Variants in LRRTM4 observed in about 807,000 individuals in gnomAD.
LRRTM4 encodes leucine-rich repeat transmembrane neuronal protein 4.
Under a neutral mutation model 47.6 loss-of-function variants are expected in LRRTM4, and 25 were observed. The observed-to-expected ratio is 0.53, with a 90% CI of 0.38 to 0.73. The LOEUF (loss-of-function observed/expected upper bound fraction) is 0.73. Among genes scored for constraint, LRRTM4 ranks in the 30% least tolerant of loss-of-function variants. The probability of loss-of-function intolerance (pLI) is 0.00; values close to 1 mark genes in which losing one functional copy is unlikely to be tolerated. For synonymous variants in LRRTM4, 311 were observed against 269.5 expected (o/e 1.15, Z -1.51); for missense variants, 638 against 713.4 (o/e 0.89, Z 1.20).
At chr2:77,018,783 A>ATGAAGTTCTT (rs1178877073) in intron 3 of LRRTM4, among the ~76,000 whole-genome samples, 1 of 152,210 alleles carries the variant, frequency 6.6e-6, no homozygotes, top group African/African-American at 2.4e-5. Context: ...AAGTTCTTTG[A>ATGAAGTTCTT]TGAAGTGTAA....
chr2:76,910,067 T>C lies in LRRTM4; in HGVS notation c.1552-161151A>G, dbSNP rs1031684056. Among the ~76,000 whole-genome samples, 3 of 152,184 alleles carry C rather than the reference T, an allele frequency of 2.0e-5. No homozygotes were observed. The East Asian group carries it at 5.8e-4, about 29-fold the overall frequency. On this transcript the variant is annotated intron_variant, in intron 3 of 3. Coordinates refer to ENST00000409884, the MANE Select transcript of LRRTM4 (RefSeq NM_001134745.3). ...AACACGTATGTTTATTGTGGCACTA[T>C]TCACAATAGCAAAGACTTGGAACCA...
At chr2:76,761,309 A>G (rs569674243) in intron 3 of LRRTM4, among the ~76,000 whole-genome samples, 4 of 152,264 alleles carry the variant, frequency 2.6e-5, no homozygotes, top group Admixed American at 2.6e-4. Flanking sequence ...ATTACCACTA[A>G]TTATTCTGTA....
chr2:76,932,273 C>G (rs772011756), intron 3 of LRRTM4, among the ~76,000 whole-genome samples: 2 of 152,118 alleles, frequency 1.3e-5, no homozygotes, highest in South Asian at 2.1e-4. Flanking sequence ...CTTATGTGTA[C>G]CAAAAACAGG....
chr2:76,871,472 T>G (rs1158907684), intron 3 of LRRTM4, among the ~76,000 whole-genome samples: 3 of 152,180 alleles, frequency 2.0e-5, no homozygotes, highest in African/African-American at 7.2e-5. Flanking sequence ...AGACCATCAC[T>G]GGGAATCGCC....
intron 3 of LRRTM4, among the ~76,000 whole-genome samples, chr2:77,411,691 C>T (rs538075799): frequency 7.2e-4 from 98 of 135,752 alleles, no homozygotes; most frequent in African/African-American, 2.7e-3. Flanking sequence ...AGGATGGTCT[C>T]GATCTCCTGA....
In LRRTM4 at chr2:77,519,392, G is replaced by A; in HGVS notation, c.477C>T (p.Leu159=). 6.2e-7 allele frequency: 1 copy of A among 1,613,398 alleles called. No homozygotes were observed. Among genetic ancestry groups the A allele is most frequent in the Non-Finnish European group, 8.5e-7 (1 of 1,179,594 alleles). The change falls in exon 3 of 4, where the codon CTC becomes CTT. Residue 159 remains leucine (L), a synonymous_variant. Transcript: ENST00000409884. This position sits in a 1 kb window ranked among gnomAD's most constrained non-coding sequence, Gnocchi z 4.6. ...QSEQFKGLRK[L]IILHLRSNSL... The stretch of plus-strand genomic sequence containing the variant: ...AGTTAGATCTCAAGTGCAAAATGAT[G>A]AGTTTCCGAAGGCCTTTAAATTGTT...
At chr2:77,074,927 TAAC>T (rs1310326031) in intron 3 of LRRTM4, among the ~76,000 whole-genome samples, 1 of 151,828 alleles carries the variant, frequency 6.6e-6, no homozygotes, top group Admixed American at 6.6e-5. Context: ...TTTTCCAAGA[TAAC>T]AAGATATTTT....
chr2:77,519,492 T>C lies in LRRTM4; in HGVS notation c.377A>G (p.Asn126Ser), dbSNP rs1401399907. The change falls in exon 3 of 4, where the codon AAT becomes AGT. Residue 126 changes from asparagine to serine, a missense_variant. Transcript: ENST00000409884. This position sits in a 1 kb window ranked among gnomAD's most constrained non-coding sequence, Gnocchi z 4.6. ...ATTGGGAACTGGGTGAAATGTTTTA[T>C]TGTGCAGATAAGTAATTTTGTTGGA... ...LSSNKITYLHNKTFHPVPNLR... is the reference protein window; with the variant it reads ...LSSNKITYLHSKTFHPVPNLR... 2 of 1,613,430 alleles carry C rather than the reference T, an allele frequency of 1.2e-6. No homozygotes were observed. The highest frequency in any genetic ancestry group is 2.2e-5 in the East Asian group (1 of 44,850).
intron 3 of LRRTM4, among the ~76,000 whole-genome samples, chr2:77,350,389 A>G (rs1425094485): frequency 6.6e-6 from 1 of 150,606 alleles, no homozygotes; most frequent in Non-Finnish European, 1.5e-5. Context: ...GAGGTGTTAC[A>G]ATATGAATTT....
At chr2:77,282,521 C>T (rs1202209434) in intron 3 of LRRTM4, among the ~76,000 whole-genome samples, 4 of 150,926 alleles carry the variant, frequency 2.7e-5, no homozygotes, top group Non-Finnish European at 1.5e-5. Context: ...TCATATGAAA[C>T]AGAAAAAGAG....
At chr2:77,460,310 G>A (rs1458178814) in intron 3 of LRRTM4, among the ~76,000 whole-genome samples, 3 of 152,206 alleles carry the variant, frequency 2.0e-5, no homozygotes, top group South Asian at 4.1e-4. Flanking sequence ...TGTGTAGTGG[G>A]AGGAGTCTAG....
chr2:77,152,451 C>A (rs2103787760), intron 3 of LRRTM4, among the ~76,000 whole-genome samples: 1 of 152,178 alleles, frequency 6.6e-6, no homozygotes, highest in East Asian at 1.9e-4. Context: ...GCCTCAGCCT[C>A]CCAAGTAGCT....
chr2:77,108,578 C>CTTTTTT (rs200805423), intron 3 of LRRTM4, among the ~76,000 whole-genome samples: 6 of 142,948 alleles, frequency 4.2e-5, no homozygotes, highest in Non-Finnish European at 4.5e-5. Context: ...CACAAACATT[C>CTTTTTT]TTTTTTTTTT....
chr2:77,038,507 T>C (rs1263345679), intron 3 of LRRTM4, among the ~76,000 whole-genome samples: 1 of 151,530 alleles, frequency 6.6e-6, no homozygotes, highest in Non-Finnish European at 1.5e-5. Context: ...TTTAGCATTG[T>C]GTATGTCACA....
At chr2:76,883,943 CT>C (rs1334368661) in intron 3 of LRRTM4, among the ~76,000 whole-genome samples, 2 of 151,742 alleles carry the variant, frequency 1.3e-5, no homozygotes, top group Non-Finnish European at 2.9e-5. Context: ...CTCAGCCTCC[CT>C]GGAAGCTTAA....
intron 3 of LRRTM4, among the ~76,000 whole-genome samples, chr2:77,158,698 T>C (rs1170053630): frequency 1.3e-5 from 2 of 152,094 alleles, no homozygotes; most frequent in African/African-American, 4.8e-5. Context: ...TTCTTTTCTA[T>C]CTTATTTTGT....
At chr2:77,269,455 A>G (rs961387476) in intron 3 of LRRTM4, among the ~76,000 whole-genome samples, 1 of 152,182 alleles carries the variant, frequency 6.6e-6, no homozygotes, top group Non-Finnish European at 1.5e-5. Flanking sequence ...CAATTAACAC[A>G]TTGCATTGTT....
chr2:77,379,183 G>A (rs558820006), intron 3 of LRRTM4, among the ~76,000 whole-genome samples: 1 of 152,002 alleles, frequency 6.6e-6, no homozygotes, highest in South Asian at 2.1e-4. Context: ...CTATTTGGGG[G>A]ATTTATTTTT....
intron 3 of LRRTM4, among the ~76,000 whole-genome samples, chr2:77,049,157 T>TATACACACAC (rs1351971551): frequency 9.4e-5 from 10 of 106,358 alleles, no homozygotes; most frequent in African/African-American, 4.5e-4. Flanking sequence ...TATATATATA[T>TATACACACAC]ACACACACAC....
Sources: gnomAD v4.1 joint callset for allele counts (sites outside exome capture counted in the v4.1 genomes callset) on GRCh38, gnomAD v4.1.1 for gene constraint, Gnocchi (gnomAD v3.1) non-coding constraint, MANE v1.5 for transcripts, NCBI Gene and HGNC (gene_info 2026-07-23, HGNC 2026-07-21) for gene names.